RASGRP3: variants seen among roughly 807,000 people sequenced by gnomAD.
The protein encoded by RASGRP3 is ras guanyl-releasing protein 3.
RASGRP3 carries 54 observed loss-of-function variants against 82.7 expected under a neutral mutation model. The observed-to-expected ratio is 0.65, with a 90% CI of 0.52 to 0.82. RASGRP3 has a LOEUF of 0.82. Ranked by LOEUF, RASGRP3 falls within the 40% of genes least tolerant of loss-of-function variation. RASGRP3 has a pLI of 0.00. For missense variants in RASGRP3, 861 were observed against 828.9 expected (o/e 1.04, Z -0.48); for synonymous variants, 309 against 300.5 (o/e 1.03, Z -0.29).
chr2:33,485,432 T>C (rs555498581), intron 1 of RASGRP3, among the ~76,000 whole-genome samples: 8 of 152,338 alleles, frequency 5.3e-5, no homozygotes, highest in Non-Finnish European at 8.8e-5. Context: ...TGAGGTGTTC[T>C]CTCAACTGTG....
At position 33,558,271 on chromosome 2, in the gene RASGRP3, T is replaced by A. The variant is rs766552880; in HGVS notation, c.1640T>A (p.Phe547Tyr). ...CTCCTGGTTCTGGCCTGCAGGAGAT[T>A]TGCCCGGGCGCCCTCCTTGAGCAGT... is the stretch of plus-strand genomic sequence containing the variant. ...KDLLVLACRRFARAPSLSSGH... is the reference protein window; with the variant it reads ...KDLLVLACRRYARAPSLSSGH... Residue 547 changes from phenylalanine to tyrosine, a missense_variant, in exon 16 of 18, where the codon TTT becomes TAT. Phe to Tyr is a conservative substitution (Grantham distance 22). Transcript: ENST00000403687. 6.2e-7 allele frequency: 1 copy of A among 1,613,512 alleles called. No individual in the cohort carries two copies. Among genetic ancestry groups the A allele is most frequent in the Non-Finnish European group, 8.5e-7 (1 of 1,179,748 alleles).
chr2:33,489,175 C>T (rs1417576542), intron 1 of RASGRP3, among the ~76,000 whole-genome samples: 1 of 152,160 alleles, frequency 6.6e-6, no homozygotes, highest in African/African-American at 2.4e-5. Context: ...CCCTGCATGA[C>T]AATCAATTAT....
At chr2:33,514,134 G>A (rs983780546) in intron 2 of RASGRP3, 3 of 152,084 alleles carry the variant, frequency 2.0e-5, no homozygotes, top group Middle Eastern at 3.2e-3. Flanking sequence ...CAAAGCATTC[G>A]GAATGGTGCA....
At chr2:33,466,974 G>A (rs1421709680) in intron 2 of RASGRP3, among the ~76,000 whole-genome samples, 1 of 152,010 alleles carries the variant, frequency 6.6e-6, no homozygotes, top group Non-Finnish European at 1.5e-5. Flanking sequence ...AAGTCATCTA[G>A]GGGTAATAAT....
chr2:33,463,379 G>A (rs933862544), intron 2 of RASGRP3, among the ~76,000 whole-genome samples: 3 of 152,034 alleles, frequency 2.0e-5, no homozygotes, highest in Admixed American at 1.3e-4. Context: ...GTTTTAAAAA[G>A]TGAATGAAGT....
chr2:33,476,105 G>C (rs994338440), upstream of RASGRP3: 1 of 152,208 alleles, frequency 6.6e-6, no homozygotes, highest in African/African-American at 2.4e-5. Flanking sequence ...AGCATTCTTA[G>C]ATGGTGAGTG....
intron 2 of RASGRP3, among the ~76,000 whole-genome samples, chr2:33,448,568 G>A (rs959937924): frequency 6.6e-6 from 1 of 151,714 alleles, no homozygotes; most frequent in African/African-American, 2.4e-5. Flanking sequence ...AGACACAAAA[G>A]AACAAATATT....
chr2:33,557,748 G>A (rs1241255103), intron 15 of RASGRP3, among the ~76,000 whole-genome samples: 1 of 151,882 alleles, frequency 6.6e-6, no homozygotes, highest in Non-Finnish European at 1.5e-5. Flanking sequence ...GCTGAGTGGA[G>A]GAACACCTCA....
intron 2 of RASGRP3, among the ~76,000 whole-genome samples, chr2:33,451,563 ATC>A (rs1665801080): frequency 6.6e-6 from 1 of 152,102 alleles, no homozygotes; most frequent in Admixed American, 6.5e-5. Flanking sequence ...TAAGTTTTTA[ATC>A]TATTTTGAGT....
intron 1 of RASGRP3, among the ~76,000 whole-genome samples, chr2:33,478,823 T>C (rs1453764586): frequency 6.6e-6 from 1 of 152,188 alleles, no homozygotes; most frequent in African/African-American, 2.4e-5. Flanking sequence ...CTAATAACAA[T>C]CCCTTACTTT....
At chr2:33,526,005 C>T (rs1450952544) in intron 9 of RASGRP3, among the ~76,000 whole-genome samples, 2 of 152,100 alleles carry the variant, frequency 1.3e-5, no homozygotes, top group Non-Finnish European at 2.9e-5. Context: ...ATGTAGCAAC[C>T]GAAAAATTAC....
intron 6 of RASGRP3, among the ~76,000 whole-genome samples, chr2:33,521,249 C>T (rs2151022548): frequency 6.6e-6 from 1 of 152,180 alleles, no homozygotes; most frequent in East Asian, 1.9e-4. Flanking sequence ...AGCTGGTTAG[C>T]TCAGTTATTA....
Position 33,516,750 on chromosome 2 carries a change from G to C in RASGRP3, c.173+106G>C, listed in dbSNP as rs921167314. On this transcript the variant is annotated intron_variant, in intron 4 of 17. Transcript: ENST00000403687. ...AAATTAAGATGAATAAATAGTCTTT[G>C]GTTATCCAGCTGTTTTGTGAATATA... 14 of 760,242 alleles carry C rather than the reference G, an allele frequency of 1.8e-5. No homozygotes were observed. In the African/African-American group the frequency reaches 2.5e-4, roughly 13 times the overall value. 47.1% of individuals were successfully genotyped at this position (760,242 alleles called of 1,614,324 possible). A position where few individuals can be genotyped will look rare whatever the true frequency, so the allele number is the denominator to read the frequency against.
chr2:33,544,921 T>TA (rs1474067905), intron 13 of RASGRP3, among the ~76,000 whole-genome samples: 1 of 152,142 alleles, frequency 6.6e-6, no homozygotes, highest in Non-Finnish European at 1.5e-5. Flanking sequence ...CTTAAAATCT[T>TA]AAATTCATCT....
At chr2:33,496,509 T>C (rs1419133552) in intron 1 of RASGRP3, among the ~76,000 whole-genome samples, 1 of 152,210 alleles carries the variant, frequency 6.6e-6, no homozygotes, top group African/African-American at 2.4e-5. Context: ...ACAACAAAGA[T>C]ATGGAGATCT....
chr2:33,478,506 C>T (rs1667581331), intron 1 of RASGRP3, among the ~76,000 whole-genome samples: 1 of 152,106 alleles, frequency 6.6e-6, no homozygotes, highest in Non-Finnish European at 1.5e-5. Context: ...CATCGAGCCT[C>T]CCATAATAAA....
chr2:33,538,981 G>A lies in RASGRP3; in HGVS notation c.1162-113G>A, dbSNP rs539286133. 5.6e-5 allele frequency: 40 copies of A among 709,300 alleles called. No homozygotes were observed. The South Asian group carries it at 7.6e-4, about 14-fold the overall frequency. The allele number at this position is 709,300 out of a possible 1,614,324, so 43.9% of individuals were successfully genotyped here. ...TTGAGCCCAGGAGGCAGAAATTGTAGTGAGCCGAAATTACACCACTGCACT... is the reference window on the plus strand; with the variant it reads ...TTGAGCCCAGGAGGCAGAAATTGTAATGAGCCGAAATTACACCACTGCACT... On this transcript the variant is annotated intron_variant, in intron 11 of 17. Coordinates refer to ENST00000403687, the MANE Select transcript of RASGRP3 (RefSeq NM_001139488.2).
intron 2 of RASGRP3, among the ~76,000 whole-genome samples, chr2:33,462,839 G>A (rs144424683): frequency 7.2e-5 from 11 of 152,288 alleles, no homozygotes; most frequent in African/African-American, 2.6e-4. Context: ...CTTTGAAATA[G>A]CAAACTATAC....
intron 14 of RASGRP3, 140 bp downstream of exon 14, chr2:33,549,891 G>T (rs111655445): frequency 4.4e-5 from 49 of 1,112,088 alleles, no homozygotes; most frequent in African/African-American, 6.4e-5. Flanking sequence ...TGAAATTGAA[G>T]ATTAAACACC....
Sources: allele counts gnomAD v4.1 joint callset (sites outside exome capture counted in the v4.1 genomes callset), GRCh38; gene constraint gnomAD v4.1.1; transcripts MANE v1.5; gene names NCBI Gene and HGNC (gene_info 2026-07-23, HGNC 2026-07-21).